WBP2NL: variants seen among roughly 807,000 people sequenced by gnomAD.
The protein encoded by WBP2NL is postacrosomal sheath WW domain-binding protein.
Under a neutral mutation model 23.3 loss-of-function variants are expected in WBP2NL, and 27 were observed. The observed-to-expected ratio is 1.16, with a 90% CI of 0.85 to 1.60. The LOEUF (loss-of-function observed/expected upper bound fraction) is 1.60, where lower values mean the gene tolerates loss of function less well. Ranked by LOEUF, WBP2NL falls within the 40% of genes most tolerant of loss-of-function variation. The pLI, the probability that WBP2NL is intolerant of heterozygous loss-of-function variation, is 0.00. For missense variants in WBP2NL, 370 were observed against 389.5 expected (o/e 0.95, Z 0.42); for synonymous variants, 151 against 145.9 (o/e 1.03, Z -0.25).
chr22:42,051,250 G>A (rs949570154), intron 8 of WBP2NL, among the ~76,000 whole-genome samples: 2 of 152,180 alleles, frequency 1.3e-5, no homozygotes, highest in Admixed American at 1.3e-4. Context: ...AATCTGAAAG[G>A]CTATTTACTG....
intron 8 of WBP2NL, among the ~76,000 whole-genome samples, chr22:42,057,797 T>A (rs1926100664): frequency 7.0e-6 from 1 of 143,226 alleles, no homozygotes; most frequent in South Asian, 2.2e-4. Flanking sequence ...AAAATTATGT[T>A]TTTTTAGATA....
downstream of WBP2NL, among the ~76,000 whole-genome samples, chr22:42,035,897 G>A (rs910244477): frequency 2.0e-5 from 3 of 152,138 alleles, no homozygotes; most frequent in Admixed American, 2.0e-4. Context: ...ACATAAAAGG[G>A]AGATCATGCA....
chr22:42,031,355 C>T (rs1455949369), downstream of WBP2NL: 2 of 152,236 alleles, frequency 1.3e-5, no homozygotes, highest in African/African-American at 2.4e-5. Flanking sequence ...TGAGAGCACT[C>T]ATGTGCTGAG....
intron 1 of WBP2NL, among the ~76,000 whole-genome samples, chr22:42,017,459 G>A (rs1187484919): frequency 6.6e-6 from 1 of 152,030 alleles, no homozygotes; most frequent in Admixed American, 6.6e-5. Context: ...TTTCTATTAG[G>A]TCATTCCTAA....
At position 42,019,648 on chromosome 22, in the gene WBP2NL, C is replaced by T; in HGVS notation, c.172-14C>T. The T allele has an allele frequency of 6.2e-7, 1 of 1,613,722 alleles. No individual in the cohort carries two copies. On this transcript the variant is annotated splice_polypyrimidine_tract_variant and intron_variant, in intron 2 of 5. Transcript: ENST00000328823. ...ATTCTGCATTCCTTTTCCAAAGTTT[C>T]TGTCCTTGCGTAGGTGATTTTCATA...
Position 42,019,384 on chromosome 22 carries a change from A to G in WBP2NL, c.136A>G (p.Arg46Gly), listed in dbSNP as rs1489588913. The G allele has an allele frequency of 1.2e-6, 2 of 1,614,210 alleles. No individual in the cohort carries two copies. The highest frequency in any genetic ancestry group is 1.7e-5 in the Admixed American group (1 of 60,028). Residue 46 changes from arginine (R) to glycine (G), a missense_variant, in exon 2 of 6, where the codon AGA (arginine) becomes GGA (glycine). Transcript: ENST00000328823. ...AGAAGGCTCAAATGTCTTTAGTGGTAGAAAGACAGGAACATTGTTTCTCAC... is the reference window on the plus strand; with the variant it reads ...AGAAGGCTCAAATGTCTTTAGTGGTGGAAAGACAGGAACATTGTTTCTCAC... ...RSEGSNVFSG[R>G]KTGTLFLTSY...
chr22:42,053,943 C>G (rs1925935151), intron 8 of WBP2NL, among the ~76,000 whole-genome samples: 1 of 152,004 alleles, frequency 6.6e-6, no homozygotes, highest in Non-Finnish European at 1.5e-5. Context: ...TGCGAGTTGT[C>G]TTTTAACTTT....
At chr22:42,016,624 T>C (rs1923330851) in intron 1 of WBP2NL, among the ~76,000 whole-genome samples, 1 of 152,230 alleles carries the variant, frequency 6.6e-6, no homozygotes, top group South Asian at 2.1e-4. Flanking sequence ...CTGAAAAAGT[T>C]GATTCTGACA....
At position 42,027,739 on chromosome 22, in the gene WBP2NL, A is replaced by G. The variant is rs183897364; in HGVS notation, c.*558A>G. The stretch of plus-strand genomic sequence containing the variant: ...CAAATAAAAGCATGATAAATTGACT[A>G]TATCAAAATTTAAAACTTCTCTATG... On this transcript the variant is annotated 3_prime_UTR_variant, in exon 6 of 6. Transcript: ENST00000328823. 41 of 377,902 alleles carry G rather than the reference A, an allele frequency of 1.1e-4. No homozygotes were observed. Among genetic ancestry groups the G allele is most frequent in the East Asian group, 2.6e-4 (7 of 26,498 alleles). 23.4% of individuals were successfully genotyped at this position (377,902 alleles called of 1,614,324 possible). A position where few individuals can be genotyped will look rare whatever the true frequency, so the allele number is the denominator to read the frequency against.
At chr22:42,007,604 T>G (rs1922373214) in intron 1 of WBP2NL, among the ~76,000 whole-genome samples, 1 of 152,206 alleles carries the variant, frequency 6.6e-6, no homozygotes, top group South Asian at 2.1e-4. Flanking sequence ...TACTTTCTGT[T>G]TCTATGAATT....
At chr22:42,015,788 T>A (rs1923252612) in intron 1 of WBP2NL, among the ~76,000 whole-genome samples, 1 of 152,188 alleles carries the variant, frequency 6.6e-6, no homozygotes, top group African/African-American at 2.4e-5. Flanking sequence ...TTGTTTGTTT[T>A]TAGTATGAAT....
At chr22:42,044,322 C>G (rs893496537) in intron 8 of WBP2NL, among the ~76,000 whole-genome samples, 1 of 152,124 alleles carries the variant, frequency 6.6e-6, no homozygotes, top group African/African-American at 2.4e-5. Context: ...CCTCCCACTT[C>G]AGCCACCCAA....
chr22:42,035,971 T>G (rs1042951048), downstream of WBP2NL, among the ~76,000 whole-genome samples: 2 of 152,244 alleles, frequency 1.3e-5, no homozygotes, highest in African/African-American at 4.8e-5. Context: ...TCATTCATTT[T>G]GTTACAAATG....
intron 1 of WBP2NL, among the ~76,000 whole-genome samples, chr22:42,018,312 C>CAAAA (rs34200437): frequency 6.2e-5 from 3 of 48,638 alleles, no homozygotes; most frequent in African/African-American, 1.8e-4. Context: ...GACCCTGTCT[C>CAAAA]AAAAAAAAAA....
chr22:42,017,513 G>C (rs927546951), intron 1 of WBP2NL, among the ~76,000 whole-genome samples: 1 of 152,054 alleles, frequency 6.6e-6, no homozygotes, highest in Non-Finnish European at 1.5e-5. Context: ...AAATTGCTAT[G>C]ACAGTTTGTT....
intron 8 of WBP2NL, among the ~76,000 whole-genome samples, chr22:42,054,398 C>G: frequency 6.6e-6 from 1 of 150,522 alleles, no homozygotes; most frequent in Non-Finnish European, 1.5e-5. Flanking sequence ...ACCTTATTGG[C>G]CAGGCTGGTC....
At chr22:42,005,054 T>A (rs1244140098) in intron 1 of WBP2NL, among the ~76,000 whole-genome samples, 1 of 150,814 alleles carries the variant, frequency 6.6e-6, no homozygotes, top group Non-Finnish European at 1.5e-5. Context: ...CCGTCTCTAC[T>A]AAAAATAAAA....
chr22:42,017,305 G>T (rs1923394861), intron 1 of WBP2NL, among the ~76,000 whole-genome samples: 1 of 152,078 alleles, frequency 6.6e-6, no homozygotes, highest in Admixed American at 6.6e-5. Flanking sequence ...AGTAGAGATG[G>T]GGTTTCACCA....
chr22:42,047,829 G>C (rs978667252), intron 8 of WBP2NL, among the ~76,000 whole-genome samples: 2 of 151,366 alleles, frequency 1.3e-5, no homozygotes, highest in Non-Finnish European at 2.9e-5. Context: ...CACCGTGTTA[G>C]CCAGGATGGT....
Sources: allele counts gnomAD v4.1 joint callset (sites outside exome capture counted in the v4.1 genomes callset), GRCh38; gene constraint gnomAD v4.1.1; transcripts MANE v1.5; gene names NCBI Gene and HGNC (gene_info 2026-07-23, HGNC 2026-07-21).